The following XXYLT1 variants were observed in gnomAD, a reference collection of about 807,000 sequenced individuals.
The protein encoded by XXYLT1 is xyloside xylosyltransferase 1, also known as UDP-xylose:alpha-xyloside alpha-1,3-xylosyltransferase.
XXYLT1 carries 20 observed loss-of-function variants against 28.9 expected under a neutral mutation model. The ratio of observed to expected loss-of-function variants is 0.69; its 90% confidence interval spans 0.49 to 1.00. The LOEUF (loss-of-function observed/expected upper bound fraction) is 1.00, where lower values mean the gene tolerates loss of function less well. Ranked by LOEUF, XXYLT1 falls within the 50% of genes least tolerant of loss-of-function variation. The probability of loss-of-function intolerance (pLI) is 0.00; values close to 1 mark genes in which losing one functional copy is unlikely to be tolerated. For missense variants in XXYLT1, 542 were observed against 560.1 expected (o/e 0.97, Z 0.33); for synonymous variants, 257 against 253.8 (o/e 1.01, Z -0.12).
At chr3:195,120,289 C>CCCG (rs1190746056) in intron 3 of XXYLT1, among the ~76,000 whole-genome samples, 2 of 142,810 alleles carry the variant, frequency 1.4e-5, no homozygotes, top group Non-Finnish European at 3.1e-5. Context: ...CAGATGCCCC[C>CCCG]CCCGCCCCAG....
At chr3:195,166,634 G>T (rs1721134793) in intron 2 of XXYLT1, among the ~76,000 whole-genome samples, 1 of 151,860 alleles carries the variant, frequency 6.6e-6, no homozygotes, top group Non-Finnish European at 1.5e-5. Flanking sequence ...GTCTTTCTTT[G>T]TTTTCCAGGA....
intron 2 of XXYLT1, among the ~76,000 whole-genome samples, chr3:195,213,257 T>C (rs1445496968): frequency 6.8e-6 from 1 of 146,000 alleles, no homozygotes; most frequent in South Asian, 2.1e-4. Context: ...CAGCACTTCT[T>C]TCTTTCTTTT....
intron 1 of XXYLT1, among the ~76,000 whole-genome samples, chr3:195,230,469 T>A (rs932587505): frequency 1.3e-5 from 2 of 152,236 alleles, no homozygotes; most frequent in African/African-American, 2.4e-5. Context: ...AAGTCCAATG[T>A]CCTGGAGAGT....
At chr3:195,082,378 G>A (rs1178329351) in intron 3 of XXYLT1, among the ~76,000 whole-genome samples, 1 of 152,202 alleles carries the variant, frequency 6.6e-6, no homozygotes, top group Non-Finnish European at 1.5e-5. Context: ...GCTGACACCT[G>A]CCCATCTTCT....
At chr3:195,107,784 G>A (rs1434453025) in intron 3 of XXYLT1, among the ~76,000 whole-genome samples, 2 of 151,778 alleles carry the variant, frequency 1.3e-5, no homozygotes, top group Admixed American at 1.3e-4. Context: ...CTCAGTGTTC[G>A]GAATCCTCAT....
chr3:195,107,739 C>T (rs984798112), intron 3 of XXYLT1, among the ~76,000 whole-genome samples: 9 of 151,274 alleles, frequency 5.9e-5, no homozygotes, highest in African/African-American at 1.2e-4. Context: ...CACTGTGACC[C>T]CGTCCTCCCT....
At chr3:195,101,903 G>A (rs1183672522) in intron 3 of XXYLT1, among the ~76,000 whole-genome samples, 2 of 133,028 alleles carry the variant, frequency 1.5e-5, no homozygotes, top group Non-Finnish European at 3.2e-5. Flanking sequence ...AAAGAGGAAC[G>A]GAGGAAAGGA....
chr3:195,081,999 G>A (rs12638577), intron 3 of XXYLT1, among the ~76,000 whole-genome samples: 7,604 of 152,308 alleles, frequency 0.05, 273 homozygotes, highest in East Asian at 0.13. Flanking sequence ...TCCGGGGGGC[G>A]ATCACTGAAC....
At chr3:195,268,292 G>C (rs751911248) in intron 1 of XXYLT1, among the ~76,000 whole-genome samples, 5 of 151,942 alleles carry the variant, frequency 3.3e-5, no homozygotes, top group Non-Finnish European at 7.4e-5. Flanking sequence ...TTAGCCGGGC[G>C]TGGTGGCGGG....
chr3:195,077,716 C>T lies in XXYLT1; in HGVS notation c.786-7605G>A, dbSNP rs1289394114. Among the ~76,000 whole-genome samples the T allele has an allele frequency of 6.6e-6, 1 of 152,192 alleles. No individual in the cohort carries two copies. The highest frequency in any genetic ancestry group is 2.4e-5 in the African/African-American group (1 of 41,448). ...CTGGTGCAGGGCAGCCCTTCAGCCC[C>T]CTGCAGGCGTCCGTTTCTCCAGAGC... is the stretch of plus-strand genomic sequence containing the variant. On this transcript the variant is annotated intron_variant, in intron 3 of 3. Coordinates refer to ENST00000310380, the MANE Select transcript of XXYLT1 (RefSeq NM_152531.5). This position sits in a 1 kb window ranked among gnomAD's most constrained non-coding sequence, Gnocchi z 4.8.
At chr3:195,235,398 T>C (rs1010126617) in intron 1 of XXYLT1, among the ~76,000 whole-genome samples, 4 of 152,232 alleles carry the variant, frequency 2.6e-5, no homozygotes, top group East Asian at 3.8e-4. Context: ...ATTTATCTGA[T>C]AGGATTCTGA....
rs2676910 is a variant in XXYLT1 at position 195,073,487 on chromosome 3, C to A, written c.786-3376G>T. On this transcript the variant is annotated intron_variant, in intron 3 of 3. Transcript: ENST00000310380. Reference sequence around the variant, plus strand: ...AGTTTCTCTGACTAACCCCTCCCCCCCTCATGCCCACAACCCAGCCACTTT... The same window carrying A: ...AGTTTCTCTGACTAACCCCTCCCCCACTCATGCCCACAACCCAGCCACTTT... 5.3e-5 allele frequency among the ~76,000 whole-genome samples: 8 copies of A among 152,078 alleles called. No individual in the cohort carries two copies. In the East Asian group the frequency reaches 9.7e-4, roughly 18 times the overall value.
chr3:195,198,366 A>C (rs1318763019), intron 2 of XXYLT1, among the ~76,000 whole-genome samples: 1 of 152,198 alleles, frequency 6.6e-6, no homozygotes, highest in African/African-American at 2.4e-5. Context: ...AAAAAGAGTC[A>C]GTCAGGAACA....
At chr3:195,072,326 T>A (rs181076751) in intron 3 of XXYLT1, among the ~76,000 whole-genome samples, 48 of 152,276 alleles carry the variant, frequency 3.2e-4, no homozygotes, top group Admixed American at 2.4e-3. Context: ...GGTGTCTTTT[T>A]AAACGGCTTT....
intron 3 of XXYLT1, among the ~76,000 whole-genome samples, chr3:195,075,652 A>G (rs1715071611): frequency 6.6e-6 from 1 of 152,162 alleles, no homozygotes; most frequent in Admixed American, 6.5e-5. Context: ...TAGCACTTGG[A>G]GGAGAGCTGG....
At chr3:195,254,852 A>G (rs1408681216) in intron 1 of XXYLT1, among the ~76,000 whole-genome samples, 2 of 152,226 alleles carry the variant, frequency 1.3e-5, no homozygotes, top group Non-Finnish European at 2.9e-5. Flanking sequence ...GGCAGGTGAT[A>G]GGACTGGGCC....
chr3:195,080,088 C>T (rs1043281228), intron 3 of XXYLT1, among the ~76,000 whole-genome samples: 6 of 152,082 alleles, frequency 3.9e-5, no homozygotes, highest in South Asian at 4.1e-4. Context: ...GTGGCACAAC[C>T]GTTCAGAAAG....
At chr3:195,166,947 G>T (rs1360472063) in intron 2 of XXYLT1, among the ~76,000 whole-genome samples, 1 of 152,112 alleles carries the variant, frequency 6.6e-6, no homozygotes, top group Non-Finnish European at 1.5e-5. Flanking sequence ...AAAGTGCTGG[G>T]ATTACAGGCG....
chr3:195,076,801 G>A lies in XXYLT1; in HGVS notation c.786-6690C>T, dbSNP rs1334075154. Among the ~76,000 whole-genome samples the A allele has an allele frequency of 1.3e-5, 2 of 152,174 alleles. No homozygotes were observed. The highest frequency in any genetic ancestry group is 2.9e-5 in the Non-Finnish European group (2 of 68,032). On this transcript the variant is annotated intron_variant, in intron 3 of 3. Transcript: ENST00000310380. The surrounding 1 kb of genome is among the most constrained non-coding windows in gnomAD (Gnocchi z 5.3). ...TATTCACATGGCGTTCTCCCTGCGTGCACGTGCCTCTGTGTCCACATTGCC... is the reference window on the plus strand; with the variant it reads ...TATTCACATGGCGTTCTCCCTGCGTACACGTGCCTCTGTGTCCACATTGCC...
Sources: gnomAD v4.1 joint callset for allele counts (sites outside exome capture counted in the v4.1 genomes callset) on GRCh38, gnomAD v4.1.1 for gene constraint, Gnocchi (gnomAD v3.1) non-coding constraint, MANE v1.5 for transcripts, NCBI Gene and HGNC (gene_info 2026-07-23, HGNC 2026-07-21) for gene names.